Variants in FER observed in about 807,000 individuals in gnomAD.
The protein encoded by FER is FER tyrosine kinase, also known as tyrosine-protein kinase Fer.
A neutral mutation model predicts 111.0 loss-of-function variants in FER; 63 were observed. That is an observed-to-expected ratio of 0.57 (90% CI 0.46 to 0.70). FER has a LOEUF of 0.70. FER is among the 30% of genes least tolerant of loss of function. The pLI is 0.00. For missense variants in FER, 914 were observed against 954.0 expected, an observed-to-expected ratio of 0.96 and a Z score of 0.55; for synonymous variants, 327 against 313.9, an observed-to-expected ratio of 1.04 and a Z score of -0.44.
intron 14 of FER, among the ~76,000 whole-genome samples, chr5:109,044,238 G>A (rs891443005): frequency 6.6e-6 from 1 of 151,262 alleles, no homozygotes; most frequent in African/African-American, 2.4e-5. Context: ...GAGTGCAGTG[G>A]CGCAATCTCT....
intron 13 of FER, among the ~76,000 whole-genome samples, chr5:109,036,341 T>G (rs1770401050): frequency 6.6e-6 from 1 of 152,124 alleles, no homozygotes; most frequent in Admixed American, 6.6e-5. Context: ...ATCAGTGTTG[T>G]CCCTTTGTTG....
intron 2 of FER, among the ~76,000 whole-genome samples, chr5:108,774,035 G>C (rs7726708): frequency 0.44 from 66,163 of 151,474 alleles, 16,441 homozygotes; most frequent in African/African-American, 0.69. Context: ...GACCCATCCT[G>C]TAAGTTCCCT....
chr5:109,180,368 G>C (rs1393039245), intron 17 of FER, among the ~76,000 whole-genome samples: 3 of 152,172 alleles, frequency 2.0e-5, no homozygotes, highest in Non-Finnish European at 4.4e-5. Flanking sequence ...CCACATTGCA[G>C]GTGTCCAGCA....
chr5:108,980,693 G>A lies in FER; in HGVS notation c.1656+21346G>A, dbSNP rs570395733. ...GAAACAGTGTTTATAGGTTTAGACCGATAACAGAGTGAATTTCCAAACACC... is the reference window on the plus strand; with the variant it reads ...GAAACAGTGTTTATAGGTTTAGACCAATAACAGAGTGAATTTCCAAACACC... On this transcript the variant is annotated intron_variant, in intron 13 of 19. Coordinates refer to ENST00000281092, the MANE Select transcript of FER (RefSeq NM_005246.4). 5.9e-5 allele frequency among the ~76,000 whole-genome samples: 9 copies of A among 152,208 alleles called. No individual in the cohort carries two copies. In the East Asian group the frequency reaches 7.7e-4, roughly 13 times the overall value.
In FER at chr5:108,882,356, T is replaced by A. The variant is rs186230264; in HGVS notation, c.924-1040T>A. On this transcript the variant is annotated intron_variant, in intron 8 of 19. Coordinates refer to ENST00000281092, the MANE Select transcript of FER (RefSeq NM_005246.4). ...TTTCATGCTTGTCAATTTTAGTAGG[T>A]GAAAAATAACTTATTATATAGTCAG... Among the ~76,000 whole-genome samples, 523 of 152,208 alleles carry A rather than the reference T, an allele frequency of 3.4e-3. 3 individuals are homozygous for A. Among genetic ancestry groups the A allele is most frequent in the African/African-American group, 0.011 (476 of 41,570 alleles).
chr5:109,030,925 C>T (rs1769506357), intron 13 of FER, among the ~76,000 whole-genome samples: 1 of 151,976 alleles, frequency 6.6e-6, no homozygotes, highest in Non-Finnish European at 1.5e-5. Context: ...AGATAACAGG[C>T]CCACAGAAAC....
intron 2 of FER, among the ~76,000 whole-genome samples, chr5:108,786,059 A>C (rs1317355578): frequency 6.6e-6 from 1 of 152,242 alleles, no homozygotes; most frequent in Non-Finnish European, 1.5e-5. Flanking sequence ...GTGAGTGTGC[A>C]GGTAAACAAG....
chr5:108,863,677 T>A (rs1417720682), intron 5 of FER, among the ~76,000 whole-genome samples: 2 of 152,134 alleles, frequency 1.3e-5, no homozygotes, highest in African/African-American at 4.8e-5. Flanking sequence ...GGGATTTATT[T>A]TAACTGAGGC....
chr5:109,017,572 G>A (rs1456705496), intron 13 of FER, among the ~76,000 whole-genome samples: 1 of 151,928 alleles, frequency 6.6e-6, no homozygotes, highest in African/African-American at 2.4e-5. Context: ...TAAGAAAAGA[G>A]ATAACTTATT....
At chr5:109,007,444 A>C (rs1384444524) in intron 13 of FER, among the ~76,000 whole-genome samples, 2 of 120,580 alleles carry the variant, frequency 1.7e-5, no homozygotes, top group South Asian at 4.8e-4. Flanking sequence ...TCAGCTCCCA[A>C]AATTATTCTA....
At chr5:108,872,522 T>C (rs904467693) in intron 8 of FER, among the ~76,000 whole-genome samples, 1 of 152,084 alleles carries the variant, frequency 6.6e-6, no homozygotes, top group African/African-American at 2.4e-5. Context: ...CCTCACAATT[T>C]ATTGGAAGAA....
chr5:109,172,190 C>T (rs368798092), intron 17 of FER, among the ~76,000 whole-genome samples: 2 of 151,726 alleles, frequency 1.3e-5, no homozygotes, highest in Non-Finnish European at 2.9e-5. Flanking sequence ...CACACGTATG[C>T]TTATTGCGGC....
intron 17 of FER, among the ~76,000 whole-genome samples, chr5:109,111,830 G>A (rs1582079647): frequency 6.6e-6 from 1 of 152,146 alleles, no homozygotes; most frequent in Admixed American, 6.5e-5. Context: ...CTCCCATCAG[G>A]TCCTCCCCCA....
chr5:109,070,370 A>G lies in FER; in HGVS notation c.1924+23172A>G, dbSNP rs570488727. ...TTACAGACTGATTTGAGGAAACAGT[A>G]TATTTTGAAAAGGAGTATTTTAAAC... On this transcript the variant is annotated intron_variant, in intron 16 of 19. Coordinates refer to ENST00000281092, the MANE Select transcript of FER (RefSeq NM_005246.4). Among the ~76,000 whole-genome samples, 305 of 152,132 alleles carry G rather than the reference A, an allele frequency of 2.0e-3. 2 individuals carry two copies. Among genetic ancestry groups the G allele is most frequent in the African/African-American group, 6.7e-3 (277 of 41,556 alleles).
intron 5 of FER, among the ~76,000 whole-genome samples, chr5:108,866,281 T>C (rs1764047963): frequency 6.6e-6 from 1 of 152,180 alleles, no homozygotes; most frequent in Non-Finnish European, 1.5e-5. Context: ...TCATGTCCTT[T>C]GTAGGGACAT....
chr5:109,138,988 G>A (rs1753208726), intron 17 of FER, among the ~76,000 whole-genome samples: 2 of 152,118 alleles, frequency 1.3e-5, no homozygotes, highest in Non-Finnish European at 2.9e-5. Flanking sequence ...TAAGACATAG[G>A]GCACAGGGTT....
chr5:108,823,289 G>T (rs1759093945), intron 3 of FER, among the ~76,000 whole-genome samples: 1 of 152,162 alleles, frequency 6.6e-6, no homozygotes, highest in Non-Finnish European at 1.5e-5. Flanking sequence ...GTTTTCTTTG[G>T]CTATGTAACC....
chr5:108,835,340 G>C (rs921792202), intron 4 of FER, among the ~76,000 whole-genome samples: 3 of 151,756 alleles, frequency 2.0e-5, no homozygotes, highest in Non-Finnish European at 2.9e-5. Flanking sequence ...CGCCACCATA[G>C]CCTGGCTCCT....
At chr5:108,861,032 A>G (rs1023391360) in intron 5 of FER, among the ~76,000 whole-genome samples, 2 of 152,192 alleles carry the variant, frequency 1.3e-5, no homozygotes, top group African/African-American at 2.4e-5. Context: ...CCCTTGATAC[A>G]TGGGAATTAT....
Sources: gnomAD v4.1 joint callset for allele counts (sites outside exome capture counted in the v4.1 genomes callset) on GRCh38, gnomAD v4.1.1 for gene constraint, MANE v1.5 for transcripts, NCBI Gene and HGNC (gene_info 2026-07-23, HGNC 2026-07-21) for gene names.